EXOC2: variants seen among roughly 807,000 people sequenced by gnomAD.
EXOC2 encodes the protein SEC5-like 1.
EXOC2 carries 70 observed loss-of-function variants against 131.8 expected under a neutral mutation model. The ratio of observed to expected loss-of-function variants is 0.53; its 90% CI spans 0.44 to 0.65. The LOEUF is 0.65. EXOC2 is among the 30% of genes least tolerant of loss of function. The pLI is 0.00. For missense variants in EXOC2, 923 were observed against 1,108.6 expected (o/e 0.83, Z 2.38); for synonymous variants, 411 against 398.4 (o/e 1.03, Z -0.38).
At position 515,388 on chromosome 6, in the gene EXOC2, C is replaced by T. The variant is rs557930582; in HGVS notation, c.2381-15688G>A. Among the ~76,000 whole-genome samples, 7 of 152,350 alleles carry T rather than the reference C, an allele frequency of 4.6e-5. No individual in the cohort carries two copies. In the South Asian group the frequency reaches 1.5e-3, roughly 32 times the overall value. On this transcript the variant is annotated intron_variant, in intron 23 of 27. Transcript: ENST00000230449. ...CGTCCTGTCCACACAGTCTTCTGTC[C>T]TCCCCGTCTGTCCCCTGCTTTCCTG...
At position 549,288 on chromosome 6, in the gene EXOC2, G is replaced by A; in HGVS notation, c.2125C>T (p.Gln709Ter). 6.2e-7 allele frequency: 1 copy of A among 1,611,428 alleles called. No homozygotes were observed. Among genetic ancestry groups the A allele is most frequent in the Non-Finnish European group, 8.5e-7 (1 of 1,177,654 alleles). The part of the protein sequence containing the change: ...IHEDFSLTSE[Q>*]RLLIVLSNCC... The stretch of plus-strand genomic sequence containing the variant: ...TTACTTAGGACTATCAAAAGGCGCT[G>A]TTCCTAAAAGCAAAACAAATGTTTA... The change falls in exon 22 of 28, where the codon CAG becomes TAG. Residue 709 changes from glutamine to a stop codon, truncating the protein, a stop_gained. Coordinates refer to ENST00000230449, the MANE Select transcript of EXOC2 (RefSeq NM_018303.6). LOFTEE classifies it high-confidence loss of function.
intron 1 of EXOC2, among the ~76,000 whole-genome samples, chr6:676,886 C>T (rs1401306162): frequency 1.6e-4 from 20 of 122,828 alleles, no homozygotes; most frequent in African/African-American, 2.4e-4. Flanking sequence ...AGGACAGGTT[C>T]CTCTGGAGAC....
At chr6:651,030 C>CTTTTTTTTTTTTTTTTTT (rs66636202) in intron 1 of EXOC2, among the ~76,000 whole-genome samples, 1 of 136,208 alleles carries the variant, frequency 7.3e-6, no homozygotes. Flanking sequence ...GGCATGTGTT[C>CTTTTTTTTTTTTTTTTTT]TTTTTTTTTT....
chr6:619,862 C>T (rs551881352), intron 4 of EXOC2, among the ~76,000 whole-genome samples: 2 of 152,028 alleles, frequency 1.3e-5, no homozygotes, highest in East Asian at 1.9e-4. Flanking sequence ...TTTATTAAAC[C>T]TATCAAAATA....
At chr6:501,018 A>C (rs1319537666) in intron 23 of EXOC2, among the ~76,000 whole-genome samples, 1 of 145,270 alleles carries the variant, frequency 6.9e-6, no homozygotes, top group East Asian at 2.0e-4. Flanking sequence ...GCATAGGTAT[A>C]TATCGAGATA....
chr6:505,806 A>G (rs1444086882), intron 23 of EXOC2, among the ~76,000 whole-genome samples: 1 of 152,250 alleles, frequency 6.6e-6, no homozygotes, highest in Non-Finnish European at 1.5e-5. Flanking sequence ...AGGTTGGCAC[A>G]CAGATGGCAC....
At chr6:625,616 C>T (rs1761526159) in intron 4 of EXOC2, among the ~76,000 whole-genome samples, 1 of 148,750 alleles carries the variant, frequency 6.7e-6, no homozygotes, top group Non-Finnish European at 1.5e-5. Context: ...GGTAAAGTCA[C>T]CTAAGGCTCT....
rs73371979 is a variant in EXOC2 at position 616,709 on chromosome 6, A to G, written c.661+1002T>C. Reference sequence around the variant, plus strand: ...TGTGTTGGAGGTCAATTAAGTATATATGGCACAGGAAGAGGGGGGCTTATT... The same window carrying G: ...TGTGTTGGAGGTCAATTAAGTATATGTGGCACAGGAAGAGGGGGGCTTATT... On this transcript the variant is annotated intron_variant, in intron 6 of 27. Coordinates refer to ENST00000230449, the MANE Select transcript of EXOC2 (RefSeq NM_018303.6). Among the ~76,000 whole-genome samples the G allele has an allele frequency of 6.4e-3, 969 of 151,598 alleles. 9 individuals are homozygous for G. The highest frequency in any genetic ancestry group is 0.022 in the African/African-American group (903 of 41,350).
intron 23 of EXOC2, among the ~76,000 whole-genome samples, chr6:513,092 C>G (rs1052507894): frequency 6.6e-6 from 1 of 152,202 alleles, no homozygotes; most frequent in African/African-American, 2.4e-5. Context: ...TCCAGCAGAG[C>G]CGTTATGAAT....
chr6:634,355 G>C (rs191516267), intron 2 of EXOC2, among the ~76,000 whole-genome samples: 23 of 152,228 alleles, frequency 1.5e-4, no homozygotes, highest in African/African-American at 5.5e-4. Context: ...AAAGTGCTAG[G>C]ATTACAGGTG....
At chr6:614,557 A>C (rs1760885887) in intron 6 of EXOC2, among the ~76,000 whole-genome samples, 1 of 152,236 alleles carries the variant, frequency 6.6e-6, no homozygotes, top group Admixed American at 6.5e-5. Flanking sequence ...GAGTTCTGTG[A>C]GTCCTTCTAG....
intron 23 of EXOC2, among the ~76,000 whole-genome samples, chr6:518,035 T>C (rs1253956518): frequency 6.6e-6 from 1 of 152,234 alleles, no homozygotes; most frequent in East Asian, 1.9e-4. Context: ...GTGTGGACCT[T>C]GACTGAATCC....
chr6:639,638 AAAGGG>A (rs1198738115), intron 1 of EXOC2, among the ~76,000 whole-genome samples: 1 of 152,208 alleles, frequency 6.6e-6, no homozygotes, highest in Non-Finnish European at 1.5e-5. Context: ...TTCCCTGCAA[AAAGGG>A]AAGGGCCGCT....
chr6:578,461 G>C (rs1323708989), intron 11 of EXOC2, among the ~76,000 whole-genome samples: 1 of 152,178 alleles, frequency 6.6e-6, no homozygotes, highest in African/African-American at 2.4e-5. Flanking sequence ...AAAACGCTAA[G>C]CAGAGGAGGT....
At chr6:591,603 A>G (rs1759545815) in intron 11 of EXOC2, among the ~76,000 whole-genome samples, 1 of 152,028 alleles carries the variant, frequency 6.6e-6, no homozygotes, top group Non-Finnish European at 1.5e-5. Context: ...GTCACTCAGA[A>G]CTTCCCCAGT....
intron 23 of EXOC2, among the ~76,000 whole-genome samples, chr6:518,292 TG>T (rs1765270492): frequency 6.6e-6 from 1 of 152,238 alleles, no homozygotes; most frequent in Non-Finnish European, 1.5e-5. Context: ...CAGACAAGAC[TG>T]GCTGTGAGAT....
At chr6:573,551 T>A (rs1301735578) in intron 12 of EXOC2, among the ~76,000 whole-genome samples, 5 of 152,164 alleles carry the variant, frequency 3.3e-5, no homozygotes, top group Non-Finnish European at 7.4e-5. Flanking sequence ...TGAGAACGTT[T>A]ATTCCCTGGG....
intron 6 of EXOC2, among the ~76,000 whole-genome samples, chr6:614,698 TAAAG>T (rs1465283501): frequency 1.3e-4 from 20 of 152,136 alleles, no homozygotes; most frequent in South Asian, 2.1e-4. Flanking sequence ...GAATCCAAAT[TAAAG>T]AAAGAGATTT....
chr6:496,948 C>T (rs759681751), intron 25 of EXOC2, among the ~76,000 whole-genome samples: 5 of 152,152 alleles, frequency 3.3e-5, no homozygotes, highest in African/African-American at 1.2e-4. Flanking sequence ...CTGGTGTTTA[C>T]GGCAGTTATA....
Sources: gnomAD v4.1 joint callset for allele counts (sites outside exome capture counted in the v4.1 genomes callset) on GRCh38, gnomAD v4.1.1 for gene constraint, MANE v1.5 for transcripts, NCBI Gene and HGNC (gene_info 2026-07-23, HGNC 2026-07-21) for gene names.